The following TMEM132B variants were observed in gnomAD, a reference collection of about 807,000 sequenced individuals.
The protein encoded by TMEM132B is transmembrane protein 132B.
In TMEM132B, 18 loss-of-function variants were observed where a neutral mutation model predicts 90.8. That is an observed-to-expected ratio of 0.20 (90% confidence interval 0.14 to 0.29). The LOEUF (loss-of-function observed/expected upper bound fraction) is 0.29, where lower values mean the gene tolerates loss of function less well. TMEM132B is among the 10% of genes least tolerant of loss of function. TMEM132B has a pLI of 1.00. For synonymous variants in TMEM132B, 504 were observed against 523.3 expected, an observed-to-expected ratio of 0.96 and a Z score of 0.50; for missense variants, 1,096 against 1,326.8, an observed-to-expected ratio of 0.83 and a Z score of 2.70.
intron 1 of TMEM132B, among the ~76,000 whole-genome samples, chr12:125,306,166 A>G (rs980755198): frequency 6.6e-6 from 1 of 152,224 alleles, no homozygotes; most frequent in African/African-American, 2.4e-5. Context: ...ACTGGAGTCT[A>G]AAGTTGGCAG....
In TMEM132B at chr12:125,661,012, T is replaced by TG. The variant is rs917940118; in HGVS notation, c.*6304dup. 1 of 152,236 alleles carries TG rather than the reference T, an allele frequency of 6.6e-6. No individual in the cohort carries two copies. The highest frequency in any genetic ancestry group is 1.5e-5 in the Non-Finnish European group (1 of 68,046). 9.4% of individuals were successfully genotyped at this position (152,236 alleles called of 1,614,324 possible). Reference sequence around the variant, plus strand: ...GTTTGGAAATATTACTTCTTTGGGATGGCTGAAATAACTTTTGACCTGACA... The same window carrying TG: ...GTTTGGAAATATTACTTCTTTGGGATGGGCTGAAATAACTTTTGACCTGACA... On this transcript the variant is annotated 3_prime_UTR_variant, in exon 9 of 9. Transcript: ENST00000682704.
intron 2 of TMEM132B, among the ~76,000 whole-genome samples, chr12:125,356,780 C>A (rs953515081): frequency 6.6e-6 from 1 of 152,236 alleles, no homozygotes; most frequent in African/African-American, 2.4e-5. Flanking sequence ...GCCATGCTGG[C>A]CCACCCCCTT....
At chr12:125,232,182 G>A (rs79109526) in intron 1 of TMEM132B, among the ~76,000 whole-genome samples, 3,225 of 152,246 alleles carry the variant, frequency 0.021, 119 homozygotes, top group African/African-American at 0.074. Context: ...GGGAGTTTAT[G>A]TTGTTTCTAG....
chr12:125,204,149 CT>C (rs1233464923), intron 1 of TMEM132B, among the ~76,000 whole-genome samples: 23 of 152,214 alleles, frequency 1.5e-4, no homozygotes, highest in African/African-American at 5.5e-4. Context: ...TGTAGAGTAT[CT>C]CGTGAATCCT....
In TMEM132B at chr12:125,505,700, GAAA is replaced by G. The variant is rs34696111; in HGVS notation, c.1107-13725_1107-13723del. The stretch of plus-strand genomic sequence containing the variant: ...GCGACAAGAGCGAAACCCCGTCTCA[GAAA>G]AAAAAAAAAAAAATTACTGGGTGGC... On this transcript the variant is annotated intron_variant, in intron 3 of 8. Coordinates refer to ENST00000682704, the MANE Select transcript of TMEM132B (RefSeq NM_001366854.1). 2.3e-5 allele frequency among the ~76,000 whole-genome samples: 3 copies of G among 131,010 alleles called. No individual in the cohort carries two copies. In the South Asian group the frequency reaches 7.4e-4, roughly 32 times the overall value. The allele number at this position is 131,010 out of a possible 152,430, so 85.9% of individuals were successfully genotyped here.
intron 3 of TMEM132B, among the ~76,000 whole-genome samples, chr12:125,465,292 T>C (rs1215904863): frequency 2.6e-5 from 4 of 152,230 alleles, no homozygotes; most frequent in Admixed American, 6.5e-5. Flanking sequence ...TTGCCTATTA[T>C]TTTCAGTAAG....
chr12:125,643,059 A>T (rs1343410740), intron 5 of TMEM132B, among the ~76,000 whole-genome samples: 2 of 152,162 alleles, frequency 1.3e-5, no homozygotes, highest in Non-Finnish European at 2.9e-5. Context: ...TGACCATGTC[A>T]AATAGGCAGT....
At chr12:125,434,611 A>G (rs913308169) in intron 3 of TMEM132B, among the ~76,000 whole-genome samples, 1 of 152,236 alleles carries the variant, frequency 6.6e-6, no homozygotes, top group Admixed American at 6.5e-5. Flanking sequence ...TCCAGCCCCT[A>G]CAGGAGGCGC....
intron 4 of TMEM132B, among the ~76,000 whole-genome samples, chr12:125,583,579 G>T (rs890295400): frequency 6.6e-6 from 1 of 152,140 alleles, no homozygotes; most frequent in African/African-American, 2.4e-5. Flanking sequence ...GATGGAGTAA[G>T]GGAGAGGAGG....
chr12:125,445,699 C>A lies in TMEM132B; in HGVS notation c.1106+30022C>A, dbSNP rs1880988315. 6.6e-6 allele frequency among the ~76,000 whole-genome samples: 1 copy of A among 152,184 alleles called. No individual in the cohort carries two copies. Among genetic ancestry groups the A allele is most frequent in the Non-Finnish European group, 1.5e-5 (1 of 68,034 alleles). Reference sequence around the variant, plus strand: ...AGGCCTGGGTACCATCTTGTTGGGGCCTTCTAGTGTGGACACTGTGCACCC... The same window carrying A: ...AGGCCTGGGTACCATCTTGTTGGGGACTTCTAGTGTGGACACTGTGCACCC... On this transcript the variant is annotated intron_variant, in intron 3 of 8. Transcript: ENST00000682704. This position sits in a 1 kb window ranked among gnomAD's most constrained non-coding sequence, Gnocchi z 4.3.
chr12:125,434,071 A>C (rs560663771), intron 3 of TMEM132B, among the ~76,000 whole-genome samples: 2 of 152,322 alleles, frequency 1.3e-5, no homozygotes, highest in African/African-American at 4.8e-5. Context: ...GCGGGGTGTT[A>C]AGTCAAGGCA....
At chr12:125,330,309 A>G (rs1876725604) in intron 1 of TMEM132B, among the ~76,000 whole-genome samples, 2 of 147,286 alleles carry the variant, frequency 1.4e-5, no homozygotes, top group African/African-American at 5.1e-5. Context: ...CCCATAGAGT[A>G]GTCGTGCTTT....
chr12:125,404,640 G>A (rs923890905), intron 2 of TMEM132B, among the ~76,000 whole-genome samples: 2 of 152,194 alleles, frequency 1.3e-5, no homozygotes, highest in Non-Finnish European at 2.9e-5. Flanking sequence ...GGTAGATAGT[G>A]TTATTATCCA....
intron 6 of TMEM132B, among the ~76,000 whole-genome samples, chr12:125,648,542 T>TC (rs1001268094): frequency 6.6e-6 from 1 of 151,552 alleles, no homozygotes; most frequent in Non-Finnish European, 1.5e-5. Context: ...TTTTTTTTTT[T>TC]TTTCTGTTGT....
In TMEM132B at chr12:125,654,413, G is replaced by A; in HGVS notation, c.2955G>A (p.Glu985=). Residue 985 remains glutamate (E), a synonymous_variant, in exon 9 of 9, where the codon GAG becomes GAA. Coordinates refer to ENST00000682704, the MANE Select transcript of TMEM132B (RefSeq NM_001366854.1). This position sits in a 1 kb window ranked among gnomAD's most constrained non-coding sequence, Gnocchi z 5.8. The stretch of plus-strand genomic sequence containing the variant: ...TAGACAGGGGCCTGCAGTTCGAGGA[G>A]AGGAACTTCCTTCTGAATGGCAGTT... ...TMIDRGLQFE[E]RNFLLNGSSQ... is the part of the protein sequence containing the mutation. 2 of 1,613,442 alleles carry A rather than the reference G, an allele frequency of 1.2e-6. No homozygotes were observed. Among genetic ancestry groups the A allele is most frequent in the Non-Finnish European group, 1.7e-6 (2 of 1,180,010 alleles).
In TMEM132B at chr12:125,415,778, C is replaced by T; in HGVS notation, c.1106+101C>T. Reference sequence around the variant, plus strand: ...TGTGCGTGTGGATAAAGCGATGCCTCTGCGTTTAATGAGAAATGATTTTTG... The same window carrying T: ...TGTGCGTGTGGATAAAGCGATGCCTTTGCGTTTAATGAGAAATGATTTTTG... On this transcript the variant is annotated intron_variant, in intron 3 of 8. Transcript: ENST00000682704. The surrounding 1 kb of genome is among the most constrained non-coding windows in gnomAD (Gnocchi z 5.3). The T allele has an allele frequency of 7.2e-7, 1 of 1,392,718 alleles. No homozygotes were observed. Among genetic ancestry groups the T allele is most frequent in the South Asian group, 1.7e-5 (1 of 58,968 alleles). The allele number at this position is 1,392,718 out of a possible 1,614,324, so 86.3% of individuals were successfully genotyped here. A position where few individuals can be genotyped will look rare whatever the true frequency, so the allele number is the denominator to read the frequency against.
intron 1 of TMEM132B, among the ~76,000 whole-genome samples, chr12:125,195,543 C>T (rs754453672): frequency 6.6e-5 from 10 of 151,710 alleles, no homozygotes; most frequent in African/African-American, 9.7e-5. Flanking sequence ...TGATTACAGG[C>T]GCTCACCACC....
intron 4 of TMEM132B, among the ~76,000 whole-genome samples, chr12:125,530,324 G>T (rs61380637): frequency 0.018 from 2,652 of 147,056 alleles, 80 homozygotes; most frequent in African/African-American, 0.063. Context: ...CTTTCTCTCT[G>T]TCTCTCCTCC....
intron 2 of TMEM132B, among the ~76,000 whole-genome samples, chr12:125,366,850 A>G (rs1878149750): frequency 6.6e-6 from 1 of 151,992 alleles, no homozygotes; most frequent in Admixed American, 6.5e-5. Flanking sequence ...GTCTCTGTTC[A>G]TTTTCTTCAG....
Sources: gnomAD v4.1 joint callset for allele counts (sites outside exome capture counted in the v4.1 genomes callset) on GRCh38, gnomAD v4.1.1 for gene constraint, Gnocchi (gnomAD v3.1) non-coding constraint, MANE v1.5 for transcripts, NCBI Gene and HGNC (gene_info 2026-07-23, HGNC 2026-07-21) for gene names.